FAM13C: variants seen among roughly 807,000 people sequenced by gnomAD.
FAM13C encodes family with sequence similarity 13 member C, also known as protein FAM13C.
A neutral mutation model predicts 73.2 loss-of-function variants in FAM13C; 37 were observed. That is an observed-to-expected ratio of 0.51 (90% CI 0.39 to 0.67). FAM13C has a LOEUF of 0.67. Among genes scored for constraint, FAM13C ranks in the 30% least tolerant of loss-of-function variants. The pLI, the probability that FAM13C is intolerant of heterozygous loss-of-function variation, is 0.00. For missense variants in FAM13C, 589 were observed against 715.6 expected, an observed-to-expected ratio of 0.82 and a Z score of 2.02; for synonymous variants, 246 against 260.9, an observed-to-expected ratio of 0.94 and a Z score of 0.55.
In FAM13C at chr10:59,362,391, T is replaced by A. The variant is rs995046314; in HGVS notation, c.62+8A>T. Reference sequence around the variant, plus strand: ...GCAAGTCTAATTTTAATGGTAAGAATCACTTACTCTGTTACAGTGGTGCTG... The same window carrying A: ...GCAAGTCTAATTTTAATGGTAAGAAACACTTACTCTGTTACAGTGGTGCTG... On this transcript the variant is annotated splice_region_variant and intron_variant, in intron 1 of 13. Coordinates refer to ENST00000618804, the MANE Select transcript of FAM13C (RefSeq NM_198215.4). 6.2e-7 allele frequency: 1 copy of A among 1,613,688 alleles called. No individual in the cohort carries two copies. Among genetic ancestry groups the A allele is most frequent in the Non-Finnish European group, 8.5e-7 (1 of 1,179,876 alleles).
intron 3 of FAM13C, among the ~76,000 whole-genome samples, chr10:59,335,634 A>G (rs1160626406): frequency 6.6e-6 from 1 of 152,238 alleles, no homozygotes; most frequent in Non-Finnish European, 1.5e-5. Flanking sequence ...AGAAAGGACC[A>G]GTCCCTAACA....
chr10:59,344,876 G>A (rs574408069), intron 3 of FAM13C, among the ~76,000 whole-genome samples: 61 of 150,792 alleles, frequency 4.0e-4, no homozygotes, highest in African/African-American at 1.4e-3. Context: ...AGAGGCAGCA[G>A]GTCTCGGAAC....
intron 4 of FAM13C, among the ~76,000 whole-genome samples, chr10:59,315,832 AC>A (rs1849467007): frequency 6.6e-6 from 1 of 152,210 alleles, no homozygotes; most frequent in African/African-American, 2.4e-5. Flanking sequence ...TCCAACACAT[AC>A]AGAAATCCAG....
intron 1 of FAM13C, 92 bp from the exon 2 acceptor site, chr10:59,356,035 A>G: frequency 8.0e-7 from 1 of 1,246,088 alleles, no homozygotes; most frequent in Non-Finnish European, 1.2e-6. Context: ...ATTACCATGG[A>G]AAACTAAAAG....
chr10:59,255,021 C>T (rs1841817191), intron 10 of FAM13C, among the ~76,000 whole-genome samples: 1 of 152,080 alleles, frequency 6.6e-6, no homozygotes, highest in Non-Finnish European at 1.5e-5. Flanking sequence ...TGTTAAGGAA[C>T]CTCTTCCTTA....
chr10:59,342,002 CA>C (rs1853581331), intron 3 of FAM13C, among the ~76,000 whole-genome samples: 1 of 152,174 alleles, frequency 6.6e-6, no homozygotes, highest in South Asian at 2.1e-4. Context: ...GATTAATACT[CA>C]AAACATGGCA....
At chr10:59,321,388 T>G (rs894759869) in intron 4 of FAM13C, among the ~76,000 whole-genome samples, 1 of 150,830 alleles carries the variant, frequency 6.6e-6, no homozygotes, top group Non-Finnish European at 1.5e-5. Flanking sequence ...AATGGATAGA[T>G]TCTTCCCTAG....
intron 4 of FAM13C, among the ~76,000 whole-genome samples, chr10:59,318,501 A>T (rs1411415037): frequency 6.6e-6 from 1 of 152,170 alleles, no homozygotes; most frequent in Non-Finnish European, 1.5e-5. Context: ...TAGAGCCAGA[A>T]GAAGCTCCAG....
At chr10:59,327,568 C>CCCT (rs1851342153) in intron 3 of FAM13C, 1 of 116,880 alleles carries the variant, frequency 8.6e-6, no homozygotes, top group Admixed American at 8.2e-5. Context: ...TGTCCCCACC[C>CCCT]CCCCACCAAA....
chr10:59,295,614 G>A (rs746035682), intron 5 of FAM13C, among the ~76,000 whole-genome samples: 26 of 152,254 alleles, frequency 1.7e-4, no homozygotes, highest in Admixed American at 3.9e-4. Flanking sequence ...ACCCTAAGCA[G>A]AAAACCCAGT....
At chr10:59,317,483 TATA>T (rs1191255378) in intron 4 of FAM13C, among the ~76,000 whole-genome samples, 2 of 152,220 alleles carry the variant, frequency 1.3e-5, no homozygotes, top group African/African-American at 4.8e-5. Context: ...AACAAAGGGC[TATA>T]ATGATACCAA....
chr10:59,341,648 C>A (rs942662179), intron 3 of FAM13C, among the ~76,000 whole-genome samples: 2 of 152,122 alleles, frequency 1.3e-5, no homozygotes, highest in African/African-American at 4.8e-5. Context: ...GAGATCGCAC[C>A]ATTGCACTTC....
intron 3 of FAM13C, among the ~76,000 whole-genome samples, chr10:59,343,481 GCTATTGTCCAGTA>G (rs573836617): frequency 7.4e-4 from 113 of 152,296 alleles, no homozygotes; most frequent in South Asian, 2.9e-3. Context: ...AGTCATTAGT[GCTATTGTCCAGTA>G]TTTCATTCTC....
rs536863244 is a variant in FAM13C at position 59,354,876 on chromosome 10, C to T, written c.119+1011G>A. Among the ~76,000 whole-genome samples the T allele has an allele frequency of 7.7e-4, 117 of 152,060 alleles. 1 individual carries two copies. The highest frequency in any genetic ancestry group is 1.3e-3 in the Non-Finnish European group (88 of 67,982). ...TCCACCAGGTTCCCAGGGTTCCTAC[C>T]ATCCTGAACCACTTGCTGTTCCTGC... On this transcript the variant is annotated intron_variant, in intron 2 of 13. Transcript: ENST00000618804.
chr10:59,251,997 A>G (rs1159213492), intron 12 of FAM13C, among the ~76,000 whole-genome samples: 1 of 152,156 alleles, frequency 6.6e-6, no homozygotes, highest in Non-Finnish European at 1.5e-5. Context: ...TTGAAGGAAT[A>G]CTCATCAGCA....
chr10:59,355,567 T>G (rs1855601336), intron 2 of FAM13C, among the ~76,000 whole-genome samples: 2 of 152,182 alleles, frequency 1.3e-5, no homozygotes, highest in Non-Finnish European at 2.9e-5. Context: ...AGACACTCAA[T>G]AATATGTTTG....
intron 3 of FAM13C, among the ~76,000 whole-genome samples, chr10:59,352,055 C>A (rs972181164): frequency 1.3e-5 from 2 of 151,986 alleles, no homozygotes; most frequent in African/African-American, 4.8e-5. Flanking sequence ...TATTTAAGAA[C>A]ACGTTTTAAG....
At chr10:59,362,657 C>G (rs1156526136), upstream of FAM13C, 2 of 1,294,982 alleles carry the variant, frequency 1.5e-6, no homozygotes, top group African/African-American at 3.0e-5. Flanking sequence ...AGCCCGGCAG[C>G]CCGCGAGGCT....
At chr10:59,355,039 C>T (rs1358205674) in intron 2 of FAM13C, among the ~76,000 whole-genome samples, 1 of 151,830 alleles carries the variant, frequency 6.6e-6, no homozygotes, top group African/African-American at 2.4e-5. Flanking sequence ...AAATAAAAAT[C>T]CATATGCCTT....
Sources: allele counts gnomAD v4.1 joint callset (sites outside exome capture counted in the v4.1 genomes callset), GRCh38; gene constraint gnomAD v4.1.1; transcripts MANE v1.5; gene names NCBI Gene and HGNC (gene_info 2026-07-23, HGNC 2026-07-21).